Variants in STK32B observed in about 807,000 individuals in gnomAD.
STK32B encodes serine/threonine-protein kinase 32B.
A neutral mutation model predicts 52.6 loss-of-function variants in STK32B; 43 were observed. That is an observed-to-expected ratio of 0.82 (90% confidence interval 0.64 to 1.05). The LOEUF (loss-of-function observed/expected upper bound fraction) is 1.05. Among genes scored for constraint, STK32B ranks in the 50% least tolerant of loss-of-function variants. STK32B has a pLI of 0.00. For synonymous variants in STK32B, 238 were observed against 204.3 expected, an observed-to-expected ratio of 1.17 and a Z score of -1.41; for missense variants, 621 against 534.6, an observed-to-expected ratio of 1.16 and a Z score of -1.59.
At chr4:5,451,565 GT>G (rs1313147100) in intron 7 of STK32B, among the ~76,000 whole-genome samples, 1 of 152,160 alleles carries the variant, frequency 6.6e-6, no homozygotes, top group Non-Finnish European at 1.5e-5. Flanking sequence ...CAGTGAGCCT[GT>G]TTCTTATCTA....
At chr4:5,178,641 C>A (rs1046179776) in intron 3 of STK32B, among the ~76,000 whole-genome samples, 3 of 152,244 alleles carry the variant, frequency 2.0e-5, no homozygotes, top group Non-Finnish European at 4.4e-5. Context: ...TTAGAAATTT[C>A]TTCTGCCAGA....
intron 3 of STK32B, among the ~76,000 whole-genome samples, chr4:5,320,143 C>T (rs887822589): frequency 6.6e-6 from 1 of 152,000 alleles, no homozygotes; most frequent in Admixed American, 6.6e-5. Context: ...TTTGATAGGT[C>T]CCTCCCCTAT....
chr4:5,446,455 G>C (rs1004844513), intron 6 of STK32B, among the ~76,000 whole-genome samples: 1 of 151,850 alleles, frequency 6.6e-6, no homozygotes, highest in Non-Finnish European at 1.5e-5. Context: ...AATCTCAGCT[G>C]CTCGGCAGGC....
chr4:5,346,855 T>C (rs981349602), intron 4 of STK32B, among the ~76,000 whole-genome samples: 8 of 152,334 alleles, frequency 5.3e-5, no homozygotes, highest in Non-Finnish European at 1.0e-4. Context: ...CGGTTCTTCA[T>C]GGCCGGGTAG....
chr4:5,188,453 G>A (rs1342113795), intron 3 of STK32B, among the ~76,000 whole-genome samples: 7 of 152,092 alleles, frequency 4.6e-5, no homozygotes, highest in East Asian at 1.9e-4. Context: ...CCCCTTCTCC[G>A]ACCCACCTCC....
At chr4:5,478,845 G>A (rs1478532361) in intron 11 of STK32B, among the ~76,000 whole-genome samples, 2 of 152,162 alleles carry the variant, frequency 1.3e-5, no homozygotes, top group African/African-American at 4.8e-5. Flanking sequence ...ACCCCAGGCG[G>A]CAGTGCAGGG....
intron 1 of STK32B, among the ~76,000 whole-genome samples, chr4:5,090,164 TG>T (rs1436735007): frequency 7.2e-6 from 1 of 138,836 alleles, no homozygotes; most frequent in Admixed American, 7.2e-5. Flanking sequence ...ATAGGTTGCC[TG>T]TTCACTCTGA....
chr4:5,482,108 C>G (rs940684359), intron 11 of STK32B, among the ~76,000 whole-genome samples: 24 of 152,088 alleles, frequency 1.6e-4, no homozygotes, highest in African/African-American at 5.3e-4. Context: ...GTAGTTTTTT[C>G]CAATTCTGAG....
At chr4:5,205,706 G>GCGCT (rs1491027130) in intron 3 of STK32B, among the ~76,000 whole-genome samples, 2 of 38,988 alleles carry the variant, frequency 5.1e-5, no homozygotes, top group Non-Finnish European at 1.4e-4. Context: ...GCGCGCGCGT[G>GCGCT]TGTGTGTGTG....
At chr4:5,133,043 C>T (rs1715876610) in intron 1 of STK32B, among the ~76,000 whole-genome samples, 1 of 152,226 alleles carries the variant, frequency 6.6e-6, no homozygotes, top group African/African-American at 2.4e-5. Context: ...AGTGATCCAC[C>T]TGCCTCAGCC....
intron 4 of STK32B, among the ~76,000 whole-genome samples, chr4:5,365,145 G>A (rs1734798176): frequency 6.6e-6 from 1 of 152,112 alleles, no homozygotes; most frequent in African/African-American, 2.4e-5. Context: ...CCAAAGTGCT[G>A]GGATTACAGG....
chr4:5,452,650 G>A (rs1214358204), intron 7 of STK32B, among the ~76,000 whole-genome samples: 1 of 151,960 alleles, frequency 6.6e-6, no homozygotes, highest in East Asian at 1.9e-4. Flanking sequence ...GGGATTTTGA[G>A]TAAAAAGATT....
chr4:5,149,023 G>T (rs1717136907), intron 2 of STK32B, among the ~76,000 whole-genome samples: 1 of 151,608 alleles, frequency 6.6e-6, no homozygotes, highest in African/African-American at 2.4e-5. Context: ...TTTGAGATCA[G>T]AGTACCCATT....
At chr4:5,376,031 C>T (rs1735564694) in intron 4 of STK32B, among the ~76,000 whole-genome samples, 2 of 152,182 alleles carry the variant, frequency 1.3e-5, no homozygotes, top group Non-Finnish European at 2.9e-5. Context: ...GAGTCCAACA[C>T]TCTGGACGCA....
intron 4 of STK32B, among the ~76,000 whole-genome samples, chr4:5,377,720 A>G (rs1560365742): frequency 6.6e-6 from 1 of 152,044 alleles, no homozygotes; most frequent in Non-Finnish European, 1.5e-5. Flanking sequence ...ATGGGATCTG[A>G]TGGTTTTATA....
intron 3 of STK32B, among the ~76,000 whole-genome samples, chr4:5,205,601 T>C (rs1276770713): frequency 6.6e-6 from 1 of 152,108 alleles, no homozygotes; most frequent in Non-Finnish European, 1.5e-5. Context: ...TCCATCTTGG[T>C]TGAGCTGTAA....
At chr4:5,043,576 G>A in the STK32B span, among the ~76,000 whole-genome samples, 1 of 152,206 alleles carries the variant, frequency 6.6e-6, no homozygotes, top group Non-Finnish European at 1.5e-5. Flanking sequence ...AGGAGGTGGT[G>A]CATATACTTA....
chr4:5,440,320 A>G (rs1228460478), intron 6 of STK32B, among the ~76,000 whole-genome samples: 1 of 152,170 alleles, frequency 6.6e-6, no homozygotes, highest in Non-Finnish European at 1.5e-5. Context: ...GGTCCTACAC[A>G]TCCCTTGTAA....
At position 5,453,701 on chromosome 4, in the gene STK32B, C is replaced by T. The variant is rs1472187420; in HGVS notation, c.667-3106C>T. On this transcript the variant is annotated intron_variant, in intron 7 of 11. Transcript: ENST00000282908. This position sits in a 1 kb window ranked among gnomAD's most constrained non-coding sequence, Gnocchi z 4.0. ...GGCAGATCACCTGAGGTGAGGAGTTCGAGACCAACCTGGCCAACATGGTAA... is the reference window on the plus strand; with the variant it reads ...GGCAGATCACCTGAGGTGAGGAGTTTGAGACCAACCTGGCCAACATGGTAA... Among the ~76,000 whole-genome samples the T allele has an allele frequency of 2.0e-5, 3 of 152,016 alleles. No homozygotes were observed. Among genetic ancestry groups the T allele is most frequent in the African/African-American group, 7.2e-5 (3 of 41,384 alleles).
Sources: allele counts gnomAD v4.1 joint callset (sites outside exome capture counted in the v4.1 genomes callset), GRCh38; gene constraint gnomAD v4.1.1; non-coding constraint Gnocchi (gnomAD v3.1); transcripts MANE v1.5; gene names NCBI Gene and HGNC (gene_info 2026-07-23, HGNC 2026-07-21).